RPS6KA3: variants seen among roughly 807,000 people sequenced by gnomAD.
The protein encoded by RPS6KA3 is ribosomal protein S6 kinase alpha-3.
Under a neutral mutation model 67.2 loss-of-function variants are expected in RPS6KA3, and 4 were observed. That is an observed-to-expected ratio of 0.06 (90% CI 0.03 to 0.14). The LOEUF is 0.14. Ranked by LOEUF, RPS6KA3 falls within the 10% of genes least tolerant of loss-of-function variation. RPS6KA3 has a pLI of 1.00. For missense variants in RPS6KA3, 204 were observed against 559.0 expected (o/e 0.36, Z 6.40); for synonymous variants, 182 against 183.7 (o/e 0.99, Z 0.07).
At chrX:20,216,809 TA>T (rs1351355127) in intron 2 of RPS6KA3, among the ~76,000 whole-genome samples, 3 of 110,918 alleles carry the variant, frequency 2.7e-5, no homozygotes, top group Non-Finnish European at 3.8e-5. Context: ...AAGAGAGAAC[TA>T]AAATTCAGGC....
chrX:20,225,581 G>A (rs1019229251), intron 2 of RPS6KA3, among the ~76,000 whole-genome samples: 7 of 110,993 alleles, frequency 6.3e-5, no homozygotes, highest in Admixed American at 4.8e-4. Context: ...AATATACCAT[G>A]GTACAAATTT....
chrX:20,181,586 T>C (rs1175403601), intron 10 of RPS6KA3, among the ~76,000 whole-genome samples: 3 of 112,078 alleles, frequency 2.7e-5, no homozygotes, highest in Non-Finnish European at 3.8e-5. Flanking sequence ...CACTAAAATA[T>C]AAGCTCTGAA....
intron 10 of RPS6KA3, among the ~76,000 whole-genome samples, chrX:20,178,479 C>T (rs1190369669): frequency 1.1e-5 from 1 of 91,957 alleles, no homozygotes; most frequent in Non-Finnish European, 2.0e-5. Context: ...GCAAACAAAT[C>T]AGTTTTTTTT....
chrX:20,228,005 A>C (rs1007312818), intron 2 of RPS6KA3, among the ~76,000 whole-genome samples: 1 of 111,281 alleles, frequency 9.0e-6, no homozygotes, highest in Non-Finnish European at 1.9e-5. Context: ...CCTCAATTTT[A>C]GTTTGTAAAT....
At chrX:20,252,551 CG>C (rs1162954776) in intron 1 of RPS6KA3, among the ~76,000 whole-genome samples, 1 of 110,300 alleles carries the variant, frequency 9.1e-6, no homozygotes, top group African/African-American at 3.3e-5. Context: ...ATGGGTGGGA[CG>C]GAAGTTCAGC....
In RPS6KA3 at chrX:20,187,685, C is replaced by T; in HGVS notation, c.774+143G>A. 6.9e-6 allele frequency: 4 copies of T among 576,198 alleles called. No homozygotes were observed. The South Asian group carries it at 9.9e-5, about 14-fold the overall frequency. The allele number at this position is 576,198 out of a possible 1,213,427, so 47.5% of individuals were successfully genotyped here. A position where few individuals can be genotyped will look rare whatever the true frequency, so the allele number is the denominator to read the frequency against. On this transcript the variant is annotated intron_variant, in intron 9 of 21. Transcript: ENST00000379565. ...TAACAGATTTCATAGTCCTTCTATA[C>T]TGCATGCAATAATGTTTCTTGGTTA...
At chrX:20,169,928 T>C (rs768010306) in intron 15 of RPS6KA3, among the ~76,000 whole-genome samples, 4 of 112,512 alleles carry the variant, frequency 3.6e-5, no homozygotes, top group Non-Finnish European at 7.5e-5. Flanking sequence ...CATCTGCTTA[T>C]TGAATTAAGT....
intron 10 of RPS6KA3, 44 bp downstream of exon 10, chrX:20,186,252 A>G: frequency 1.1e-6 from 1 of 923,313 alleles, no homozygotes; most frequent in South Asian, 2.0e-5. Flanking sequence ...TGAAGCATTT[A>G]TTTTAAAATC....
At chrX:20,222,663 T>C (rs986677683) in intron 2 of RPS6KA3, among the ~76,000 whole-genome samples, 14 of 112,180 alleles carry the variant, frequency 1.2e-4, no homozygotes, top group Non-Finnish European at 2.1e-4. Flanking sequence ...GAAATTTTTA[T>C]TTATTTAAAG....
Position 20,187,927 on chromosome X carries a change from T to C in RPS6KA3, c.675A>G (p.Ala225=). The C allele has an allele frequency of 2.5e-6, 3 of 1,201,794 alleles. No individual in the cohort carries two copies. In the South Asian group the frequency reaches 5.3e-5, roughly 21 times the overall value. ...ACTCCACAGTTCCACAAAAAGAATATGCCTTCTTTTCATGGTCAATAGACT... is the reference window on the plus strand; with the variant it reads ...ACTCCACAGTTCCACAAAAAGAATACGCCTTCTTTTCATGGTCAATAGACT... ...SKESIDHEKK[A]YSFCGTVEYM... Residue 225 remains alanine, a synonymous_variant, in exon 9 of 22, where the codon GCA becomes GCG. Transcript: ENST00000379565.
chrX:20,157,327 T>C (rs776623853), intron 20 of RPS6KA3, among the ~76,000 whole-genome samples: 2 of 81,383 alleles, frequency 2.5e-5, no homozygotes, highest in South Asian at 1.6e-3. Flanking sequence ...CATTGTGAGG[T>C]CCTGTATCTA....
At chrX:20,175,413 T>C in intron 13 of RPS6KA3, 125 bp from the exon 14 acceptor site, 1 of 698,557 alleles carries the variant, frequency 1.4e-6, no homozygotes, top group South Asian at 2.4e-5. Context: ...TATATACCTC[T>C]TGCTTTCCAG....
chrX:20,193,004 G>A (rs1165495822), intron 7 of RPS6KA3, among the ~76,000 whole-genome samples: 1 of 112,400 alleles, frequency 8.9e-6, no homozygotes, highest in African/African-American at 3.2e-5. Flanking sequence ...TGGGATGGCT[G>A]TGGTGGCTCA....
In RPS6KA3 at chrX:20,238,477, A is replaced by G. The variant is rs1767129182; in HGVS notation, c.70-3663T>C. 5.4e-5 allele frequency among the ~76,000 whole-genome samples: 6 copies of G among 110,813 alleles called. No homozygotes were observed. In the South Asian group the frequency reaches 2.2e-3, roughly 41 times the overall value. ...TTTTCCAGCTCTCATCCATTGCTACAGTCTCTATATATTAGATTCCAAATC... is the reference window on the plus strand; with the variant it reads ...TTTTCCAGCTCTCATCCATTGCTACGGTCTCTATATATTAGATTCCAAATC... On this transcript the variant is annotated intron_variant, in intron 1 of 21. Transcript: ENST00000379565.
At chrX:20,182,708 C>T in intron 10 of RPS6KA3, among the ~76,000 whole-genome samples, 1 of 111,443 alleles carries the variant, frequency 9.0e-6, no homozygotes, top group Non-Finnish European at 1.9e-5. Context: ...AACATGGGTG[C>T]ATGTCTAGGA....
At chrX:20,185,529 G>T (rs1225066524) in intron 10 of RPS6KA3, among the ~76,000 whole-genome samples, 1 of 111,234 alleles carries the variant, frequency 9.0e-6, no homozygotes, top group African/African-American at 3.3e-5. Flanking sequence ...TGGGACTACA[G>T]GTGCTTACCA....
chrX:20,262,273 A>T (rs2070253660), intron 1 of RPS6KA3, among the ~76,000 whole-genome samples: 1 of 111,971 alleles, frequency 8.9e-6, no homozygotes, highest in Non-Finnish European at 1.9e-5. Context: ...AAAAATTTTT[A>T]AAAACTTTAG....
chrX:20,158,168 C>T (rs1282240804), intron 20 of RPS6KA3, among the ~76,000 whole-genome samples: 2 of 108,307 alleles, frequency 1.8e-5, no homozygotes, highest in African/African-American at 6.7e-5. Context: ...AGTTCGAGAC[C>T]AGCCTGGGCA....
chrX:20,266,369 G>A (rs937775087), intron 1 of RPS6KA3, among the ~76,000 whole-genome samples, 195 bp downstream of exon 1: 2 of 111,661 alleles, frequency 1.8e-5, no homozygotes, highest in Non-Finnish European at 3.8e-5. Context: ...GAGGGAAGGA[G>A]GTGAGGGTGA....
Sources: gnomAD v4.1 joint callset for allele counts (sites outside exome capture counted in the v4.1 genomes callset) on GRCh38, gnomAD v4.1.1 for gene constraint, MANE v1.5 for transcripts, NCBI Gene and HGNC (gene_info 2026-07-23, HGNC 2026-07-21) for gene names.